The following ZC3H12B variants were observed in gnomAD, a reference collection of about 807,000 sequenced individuals.
ZC3H12B encodes the protein probable ribonuclease ZC3H12B.
ZC3H12B carries 7 observed loss-of-function variants against 43.9 expected under a neutral mutation model. That is an observed-to-expected ratio of 0.16 (90% CI 0.09 to 0.30). ZC3H12B has a LOEUF of 0.30. Among genes scored for constraint, ZC3H12B ranks in the 10% least tolerant of loss-of-function variants. The pLI, the probability that ZC3H12B is intolerant of heterozygous loss-of-function variation, is 1.00. For synonymous variants in ZC3H12B, 222 were observed against 241.7 expected (o/e 0.92, Z 0.76); for missense variants, 475 against 670.2 (o/e 0.71, Z 3.22).
At chrX:65,489,389 T>C (rs1461146619) in exon 1 of ZC3H12B, 2 of 1,198,680 alleles carry the variant, frequency 1.7e-6, no homozygotes, top group African/African-American at 3.5e-5. Flanking sequence ...TTGTCATTGA[T>C]GGAAGTAATG....
At chrX:65,347,986 G>GAACAAAA in the ZC3H12B span, among the ~76,000 whole-genome samples, 1 of 110,340 alleles carries the variant, frequency 9.1e-6, no homozygotes, top group African/African-American at 3.3e-5. Context: ...CTATCGCAAA[G>GAACAAAA]ACCAAAAACC....
At chrX:65,122,668 CA>C in the ZC3H12B span, among the ~76,000 whole-genome samples, 1 of 110,381 alleles carries the variant, frequency 9.1e-6, no homozygotes, top group Non-Finnish European at 1.9e-5. Flanking sequence ...CACATAGGCT[CA>C]AAATAAAGGG....
At chrX:65,037,651 C>T in the ZC3H12B span, among the ~76,000 whole-genome samples, 1 of 110,896 alleles carries the variant, frequency 9.0e-6, no homozygotes, top group Non-Finnish European at 1.9e-5. Flanking sequence ...TTTTTTTTTA[C>T]TGTCTATTAA....
chrX:65,497,277 G>C lies in ZC3H12B; in HGVS notation c.748+6G>C, dbSNP rs1478205804. On this transcript the variant is annotated splice_donor_region_variant and intron_variant, in intron 2 of 4. Coordinates refer to ENST00000338957, the Ensembl canonical transcript of ZC3H12B. ...CCCTGATGCACCAATTACAGGTATT[G>C]TGTCAAATAAGACATTTCTTCTCAT... is the stretch of plus-strand genomic sequence containing the variant. 1 of 1,197,641 alleles carries C rather than the reference G, an allele frequency of 8.3e-7. No homozygotes were observed. The highest frequency in any genetic ancestry group is 3.0e-5 in the East Asian group (1 of 33,482).
chrX:65,269,842 C>G, the ZC3H12B span, among the ~76,000 whole-genome samples: 1 of 111,029 alleles, frequency 9.0e-6, no homozygotes, highest in African/African-American at 3.3e-5. Flanking sequence ...AAGATTTATA[C>G]ACCTAAAACT....
chrX:65,251,656 T>A, the ZC3H12B span, among the ~76,000 whole-genome samples: 1 of 111,784 alleles, frequency 8.9e-6, no homozygotes, highest in Non-Finnish European at 1.9e-5. Flanking sequence ...GTCCTTCACA[T>A]CCCTTGTAAG....
chrX:65,124,091 AG>A, the ZC3H12B span, among the ~76,000 whole-genome samples: 1 of 111,109 alleles, frequency 9.0e-6, no homozygotes, highest in East Asian at 2.8e-4. Flanking sequence ...ATGCTTTCAA[AG>A]TTTTCCCTGT....
At chrX:65,142,111 A>G in the ZC3H12B span, among the ~76,000 whole-genome samples, 2 of 112,176 alleles carry the variant, frequency 1.8e-5, no homozygotes, top group African/African-American at 3.2e-5. Context: ...TGGTTGTACT[A>G]GTTTACATTC....
At chrX:65,188,817 T>C in the ZC3H12B span, among the ~76,000 whole-genome samples, 1 of 108,642 alleles carries the variant, frequency 9.2e-6, no homozygotes, top group Non-Finnish European at 1.9e-5. Flanking sequence ...TTTTTTTTAT[T>C]TAAGTTTTAG....
the ZC3H12B span, among the ~76,000 whole-genome samples, chrX:65,216,785 A>G: frequency 8.9e-6 from 1 of 112,065 alleles, no homozygotes; most frequent in Non-Finnish European, 1.9e-5. Context: ...AAAATATCAG[A>G]GGGATTCCTT....
At chrX:65,157,330 A>G in the ZC3H12B span, among the ~76,000 whole-genome samples, 1 of 112,444 alleles carries the variant, frequency 8.9e-6, no homozygotes, top group Non-Finnish European at 1.9e-5. Context: ...TTAATAAGAT[A>G]TGCTCAACAT....
chrX:65,130,269 G>A, the ZC3H12B span, among the ~76,000 whole-genome samples: 1 of 111,082 alleles, frequency 9.0e-6, no homozygotes, highest in Admixed American at 9.6e-5. Context: ...AACTGCTTGG[G>A]TGATTTGACT....
chrX:65,160,727 A>C, the ZC3H12B span, among the ~76,000 whole-genome samples: 1 of 111,406 alleles, frequency 9.0e-6, no homozygotes, highest in African/African-American at 3.3e-5. Flanking sequence ...GGATTAATTA[A>C]TTTTTTGAAG....
the ZC3H12B span, among the ~76,000 whole-genome samples, chrX:65,323,353 C>A: frequency 1.9e-4 from 21 of 111,772 alleles, no homozygotes; most frequent in Non-Finnish European, 3.4e-4. Flanking sequence ...GCCCCCACAT[C>A]CCCCGACAGG....
chrX:65,079,638 A>T, the ZC3H12B span, among the ~76,000 whole-genome samples: 1 of 112,721 alleles, frequency 8.9e-6, no homozygotes, highest in Non-Finnish European at 1.9e-5. Context: ...GTACCTCTGT[A>T]AGTCTGCAAG....
the ZC3H12B span, among the ~76,000 whole-genome samples, chrX:65,122,680 A>T: frequency 1.4e-4 from 16 of 111,189 alleles, no homozygotes; most frequent in Non-Finnish European, 2.8e-4. Context: ...AAATAAAGGG[A>T]TGGAGGAAGA....
chrX:65,083,287 A>C, the ZC3H12B span, among the ~76,000 whole-genome samples: 1 of 111,617 alleles, frequency 9.0e-6, no homozygotes, highest in Non-Finnish European at 1.9e-5. Context: ...GAAAGATATA[A>C]AGGGCATCTA....
chrX:65,154,534 TA>T, the ZC3H12B span, among the ~76,000 whole-genome samples: 2 of 112,180 alleles, frequency 1.8e-5, no homozygotes, highest in Non-Finnish European at 3.7e-5. Flanking sequence ...CAGTTTTGTT[TA>T]TTTCTTGCTT....
At chrX:65,420,582 A>T (rs1278303192) in intron 3 of ZC3H12B, among the ~76,000 whole-genome samples, 1 of 112,221 alleles carries the variant, frequency 8.9e-6, no homozygotes, top group East Asian at 2.8e-4. Flanking sequence ...TGACAACACC[A>T]AAAGGGACAA....
Sources: allele counts gnomAD v4.1 joint callset (sites outside exome capture counted in the v4.1 genomes callset), GRCh38; gene constraint gnomAD v4.1.1; transcripts MANE v1.5; gene names NCBI Gene and HGNC (gene_info 2026-07-23, HGNC 2026-07-21).